The following MAP2K1 variants were observed in gnomAD, a reference collection of about 807,000 sequenced individuals.
The protein encoded by MAP2K1 is dual specificity mitogen-activated protein kinase kinase 1.
A neutral mutation model predicts 46.3 loss-of-function variants in MAP2K1; 16 were observed. The observed-to-expected ratio is 0.35, with a 90% CI of 0.23 to 0.52. The LOEUF is 0.52. Among genes scored for constraint, MAP2K1 ranks in the 20% least tolerant of loss-of-function variants. The probability of loss-of-function intolerance (pLI) is 0.94; values close to 1 mark genes in which losing one functional copy is unlikely to be tolerated. For synonymous variants in MAP2K1, 183 were observed against 185.6 expected, an observed-to-expected ratio of 0.99 and a Z score of 0.11; for missense variants, 263 against 497.1, an observed-to-expected ratio of 0.53 and a Z score of 4.48.
chr15:66,455,357 G>T (rs1892140497), intron 5 of MAP2K1, among the ~76,000 whole-genome samples: 1 of 152,208 alleles, frequency 6.6e-6, no homozygotes, highest in African/African-American at 2.4e-5. Context: ...ACTCTAGGTA[G>T]GATTCTTCAA....
intron 1 of MAP2K1, among the ~76,000 whole-genome samples, chr15:66,395,526 A>G (rs566804875): frequency 2.0e-5 from 3 of 147,032 alleles, no homozygotes; most frequent in South Asian, 2.1e-4. Context: ...TCTTGCTGAC[A>G]TGGTTTTTTT....
chr15:66,486,484 G>A lies in MAP2K1; in HGVS notation c.896-744G>A, dbSNP rs139600163. ...TTAATAGCATTTCATTTGTGATCACGACTATAATCTGAATTTTAAAGATGA... is the reference window on the plus strand; with the variant it reads ...TTAATAGCATTTCATTTGTGATCACAACTATAATCTGAATTTTAAAGATGA... On this transcript the variant is annotated intron_variant, in intron 7 of 10. Transcript: ENST00000307102. Among the ~76,000 whole-genome samples, 340 of 152,108 alleles carry A rather than the reference G, an allele frequency of 2.2e-3. 2 individuals are homozygous for A. The highest frequency in any genetic ancestry group is 8.1e-3 in the African/African-American group (334 of 41,478).
At chr15:66,445,990 G>C (rs548690790) in intron 5 of MAP2K1, among the ~76,000 whole-genome samples, 1 of 152,060 alleles carries the variant, frequency 6.6e-6, no homozygotes, top group African/African-American at 2.4e-5. Flanking sequence ...TTGGGAGGTC[G>C]AGGCGGGCAG....
chr15:66,483,260 C>T (rs1303203096), intron 6 of MAP2K1, among the ~76,000 whole-genome samples: 1 of 152,206 alleles, frequency 6.6e-6, no homozygotes, highest in South Asian at 2.1e-4. Flanking sequence ...GTGACTCCAG[C>T]CACTGTCAAC....
At chr15:66,484,186 T>TAAGA (rs1327414475) in intron 6 of MAP2K1, among the ~76,000 whole-genome samples, 1 of 148,942 alleles carries the variant, frequency 6.7e-6, no homozygotes, top group Non-Finnish European at 1.5e-5. Flanking sequence ...TCGCTCTTCT[T>TAAGA]GCCCAGGCTG....
intron 5 of MAP2K1, among the ~76,000 whole-genome samples, chr15:66,456,941 C>T (rs1452506934): frequency 6.6e-6 from 1 of 152,130 alleles, no homozygotes; most frequent in African/African-American, 2.4e-5. Context: ...TTCTGTTAAG[C>T]ATTGGGTCAG....
intron 5 of MAP2K1, among the ~76,000 whole-genome samples, chr15:66,471,738 C>G (rs1418478848): frequency 1.3e-5 from 2 of 151,956 alleles, no homozygotes; most frequent in Non-Finnish European, 2.9e-5. Context: ...TATCCAGGGA[C>G]TCAAATGCCA....
chr15:66,397,001 T>TC (rs2093369392), intron 1 of MAP2K1, among the ~76,000 whole-genome samples: 1 of 90,318 alleles, frequency 1.1e-5, no homozygotes, highest in Non-Finnish European at 2.1e-5. Flanking sequence ...GCTTCTTTTT[T>TC]TTTTTTTTTT....
At chr15:66,483,303 C>T (rs74022017) in intron 6 of MAP2K1, among the ~76,000 whole-genome samples, 47 of 152,284 alleles carry the variant, frequency 3.1e-4, no homozygotes, top group African/African-American at 1.1e-3. Flanking sequence ...ACATCCCCAC[C>T]CCTCCCCTCC....
intron 1 of MAP2K1, among the ~76,000 whole-genome samples, chr15:66,388,518 CCCTT>C (rs1304342879): frequency 6.6e-6 from 1 of 152,114 alleles, no homozygotes; most frequent in African/African-American, 2.4e-5. Flanking sequence ...TCTGTAACCT[CCCTT>C]CCTTTCTCTA....
At chr15:66,474,454 A>G (rs891322187) in intron 5 of MAP2K1, among the ~76,000 whole-genome samples, 3 of 152,142 alleles carry the variant, frequency 2.0e-5, no homozygotes, top group Non-Finnish European at 2.9e-5. Context: ...TTCTCTCCTT[A>G]CTGAATTTCA....
chr15:66,400,234 G>T (rs747700876), intron 1 of MAP2K1, among the ~76,000 whole-genome samples: 2 of 151,762 alleles, frequency 1.3e-5, no homozygotes, highest in African/African-American at 2.4e-5. Context: ...CTGTTGCCCA[G>T]GCTGGTCTCA....
chr15:66,485,318 C>T, intron 7 of MAP2K1, 127 bp downstream of exon 7: 1 of 949,436 alleles, frequency 1.1e-6, no homozygotes, highest in African/African-American at 1.6e-5. Flanking sequence ...GGATGCCAGG[C>T]TAGGGCCAGG....
chr15:66,490,662 C>T lies in MAP2K1; in HGVS notation c.*47C>T. Reference sequence around the variant, plus strand: ...GCGAGTCCCCTGCCCGGTGGTTTGCCATGTCGCTTTTGGGCCTCCTTCCCA... The same window carrying T: ...GCGAGTCCCCTGCCCGGTGGTTTGCTATGTCGCTTTTGGGCCTCCTTCCCA... On this transcript the variant is annotated 3_prime_UTR_variant, in exon 11 of 11. Transcript: ENST00000307102. The T allele has an allele frequency of 2.0e-6, 3 of 1,481,034 alleles. No individual in the cohort carries two copies. Among genetic ancestry groups the T allele is most frequent in the Non-Finnish European group, 2.8e-6 (3 of 1,058,636 alleles). 91.7% of individuals were successfully genotyped at this position (1,481,034 alleles called of 1,614,324 possible).
At chr15:66,442,001 G>T (rs896433325) in intron 3 of MAP2K1, among the ~76,000 whole-genome samples, 1 of 152,094 alleles carries the variant, frequency 6.6e-6, no homozygotes, top group Admixed American at 6.6e-5. Context: ...CTTCAAGATC[G>T]CAGGTTAAAA....
chr15:66,417,612 A>C (rs1339624320), intron 1 of MAP2K1, among the ~76,000 whole-genome samples: 2 of 152,152 alleles, frequency 1.3e-5, no homozygotes, highest in East Asian at 3.9e-4. Context: ...GAGCACCTGC[A>C]TTGACTTCCA....
At chr15:66,402,451 A>AAACT (rs1216030789) in intron 1 of MAP2K1, among the ~76,000 whole-genome samples, 3 of 152,186 alleles carry the variant, frequency 2.0e-5, no homozygotes. Flanking sequence ...TTATCTACTA[A>AAACT]AACTTTTAAC....
At chr15:66,421,874 CCT>C (rs982944716) in intron 1 of MAP2K1, among the ~76,000 whole-genome samples, 27 of 118,638 alleles carry the variant, frequency 2.3e-4, no homozygotes, top group Admixed American at 6.4e-4. Context: ...ACTAGAATGC[CCT>C]CTTTCTCTTT....
intron 1 of MAP2K1, among the ~76,000 whole-genome samples, chr15:66,396,180 A>G (rs2093367107): frequency 6.6e-6 from 1 of 151,878 alleles, no homozygotes; most frequent in Non-Finnish European, 1.5e-5. Flanking sequence ...TAATTTTTGT[A>G]TTTTTAGTAC....
Sources: allele counts gnomAD v4.1 joint callset (sites outside exome capture counted in the v4.1 genomes callset), GRCh38; gene constraint gnomAD v4.1.1; transcripts MANE v1.5; gene names NCBI Gene and HGNC (gene_info 2026-07-23, HGNC 2026-07-21).